The following ZNF76 variants were observed in gnomAD, a reference collection of about 807,000 sequenced individuals.
ZNF76 encodes the protein zinc finger protein 76.
ZNF76 carries 66 observed loss-of-function variants against 66.9 expected under a neutral mutation model. The ratio of observed to expected loss-of-function variants is 0.99; its 90% confidence interval spans 0.81 to 1.21. The LOEUF (loss-of-function observed/expected upper bound fraction) is 1.21. ZNF76 is among the 50% of genes most tolerant of loss of function. The pLI, the probability that ZNF76 is intolerant of heterozygous loss-of-function variation, is 0.00. For synonymous variants in ZNF76, 275 were observed against 296.1 expected (o/e 0.93, Z 0.73); for missense variants, 729 against 760.3 (o/e 0.96, Z 0.48).
Position 35,295,161 on chromosome 6 carries a change from C to G in ZNF76, c.1626C>G (p.Thr542=). The change falls in exon 14 of 14, where the codon ACC becomes ACG. Residue 542 remains threonine, a synonymous_variant. Transcript: ENST00000373953. The part of the protein sequence containing the change: ...HIAVQLEEQQ[T]LEEAINVATA... ...CCCCACAGCTGGAGGAACAGCAGAC[C>G]TTAGAGGAGGCCATCAATGTGGCCA... 1.2e-6 allele frequency: 2 copies of G among 1,612,458 alleles called. No individual in the cohort carries two copies. Among genetic ancestry groups the G allele is most frequent in the Non-Finnish European group, 1.7e-6 (2 of 1,179,310 alleles).
chr6:35,292,165 G>A lies in ZNF76; in HGVS notation c.932-389G>A. 2.5e-6 allele frequency: 1 copy of A among 401,940 alleles called. No individual in the cohort carries two copies. Among genetic ancestry groups the A allele is most frequent in the South Asian group, 2.6e-5 (1 of 39,212 alleles). The allele number at this position is 401,940 out of a possible 1,614,324, so 24.9% of individuals were successfully genotyped here. On this transcript the variant is annotated intron_variant, in intron 9 of 13. Coordinates refer to ENST00000373953, the MANE Select transcript of ZNF76 (RefSeq NM_003427.5). The surrounding 1 kb of genome is among the most constrained non-coding windows in gnomAD (Gnocchi z 4.7). The stretch of plus-strand genomic sequence containing the variant: ...TTATGCCCCTCATCCAGCTTTCTGT[G>A]TTGTGTCTCAGCATGTGTGTCCCCT...
In ZNF76 at chr6:35,294,555, C is replaced by T. The variant is rs747037556; in HGVS notation, c.1594C>T (p.His532Tyr). 1.2e-6 allele frequency: 2 copies of T among 1,612,828 alleles called. No individual in the cohort carries two copies. Among genetic ancestry groups the T allele is most frequent in the African/African-American group, 2.7e-5 (2 of 74,884 alleles). The stretch of plus-strand genomic sequence containing the variant: ...ACTGTTGGCCACAGCCAACGGAACG[C>T]ACATTGCAGTGCAGGTGAGTAGAGA... ...VALLATANGT[H>Y]IAVQLEEQQT... is the part of the protein sequence containing the mutation. Residue 532 changes from histidine (H) to tyrosine (Y), a missense_variant, in exon 13 of 14, where the codon CAC becomes TAC. Physicochemically the swap from His to Tyr is moderately conservative, Grantham distance 83. Transcript: ENST00000373953.
intron 9 of ZNF76, 32 bp downstream of exon 9, chr6:35,291,769 A>G: frequency 2.5e-6 from 4 of 1,599,912 alleles, no homozygotes; most frequent in Non-Finnish European, 3.4e-6. Context: ...GACTACCCTC[A>G]CTCAGGCCCC....
intron 1 of ZNF76, among the ~76,000 whole-genome samples, chr6:35,273,743 TG>T (rs1172080960): frequency 7.8e-6 from 1 of 128,672 alleles, no homozygotes; most frequent in Non-Finnish European, 1.7e-5. Flanking sequence ...AAAAAAGAAA[TG>T]GGGGTCTCAC....
At chr6:35,286,680 T>C (rs1200036947) in intron 4 of ZNF76, 2 of 528,242 alleles carry the variant, frequency 3.8e-6, no homozygotes, top group East Asian at 6.2e-5. Context: ...GTCTTAGGGC[T>C]TTAAATAGGA....
intron 1 of ZNF76, 84 bp from the exon 2 acceptor site, chr6:35,280,972 T>C: frequency 1.6e-6 from 1 of 640,810 alleles, no homozygotes; most frequent in Non-Finnish European, 2.8e-6. Context: ...CTTGGCTGGC[T>C]GGCCTCATTA....
rs752330096 is a variant in ZNF76 at position 35,294,499 on chromosome 6, GT to G, written c.1539del (p.Ser513ArgfsTer2). 6.2e-7 allele frequency: 1 copy of G among 1,614,114 alleles called. No individual in the cohort carries two copies. The highest frequency in any genetic ancestry group is 8.5e-7 in the Non-Finnish European group (1 of 1,180,014). ...GGGGCTGTGGTGGCTGAGGACTCAA[GT>G]GTAGCATCTCTTCGTCATCAACAGG... The part of the protein sequence containing the change: ...TSGAVVAEDS[S>X]VASLRHQQVA... On this transcript the variant is annotated frameshift_variant, in exon 13 of 14. Transcript: ENST00000373953. LOFTEE classifies it high-confidence loss of function.
intron 1 of ZNF76, among the ~76,000 whole-genome samples, chr6:35,276,817 CAAG>C (rs1787972179): frequency 9.7e-6 from 1 of 103,438 alleles, no homozygotes; most frequent in Non-Finnish European, 1.8e-5. Flanking sequence ...TTTTTTGAGA[CAAG>C]AGTTTTGCTG....
chr6:35,275,258 C>T (rs931096176), intron 1 of ZNF76, among the ~76,000 whole-genome samples: 4 of 152,076 alleles, frequency 2.6e-5, no homozygotes, highest in Admixed American at 6.5e-5. Context: ...TCTCACCTTC[C>T]GCTCTCCCAG....
intron 1 of ZNF76, among the ~76,000 whole-genome samples, chr6:35,260,384 A>G (rs1175825785): frequency 1.3e-5 from 2 of 151,854 alleles, no homozygotes; most frequent in Admixed American, 1.3e-4. Context: ...CTACTCCAAT[A>G]GTTTTCCACG....
At chr6:35,288,833 G>A (rs569397841) in intron 5 of ZNF76, among the ~76,000 whole-genome samples, 2 of 151,786 alleles carry the variant, frequency 1.3e-5, no homozygotes, top group Non-Finnish European at 1.5e-5. Flanking sequence ...ATGGTGGTGC[G>A]CACCTGTGGT....
intron 1 of ZNF76, among the ~76,000 whole-genome samples, chr6:35,273,846 T>G (rs193103469): frequency 2.8e-3 from 306 of 107,616 alleles, no homozygotes; most frequent in Middle Eastern, 4.4e-3. Context: ...AAATGGCGCT[T>G]CTTCTTTTAA....
rs2077279684 is a variant in ZNF76, at chr6:35,295,978, A to G, written c.*730A>G. 6.6e-6 allele frequency: 1 copy of G among 152,134 alleles called. No homozygotes were observed. Among genetic ancestry groups the G allele is most frequent in the African/African-American group, 2.4e-5 (1 of 41,362 alleles). The allele number at this position is 152,134 out of a possible 1,614,324, so 9.4% of individuals were successfully genotyped here. A position where few individuals can be genotyped will look rare whatever the true frequency, so the allele number is the denominator to read the frequency against. ...GAATGAGTATTTAATAAAAGTTCCA[A>G]ATTTCCACCTGGGTCCCTCCATCCT... On this transcript the variant is annotated 3_prime_UTR_variant, in exon 14 of 14. Transcript: ENST00000373953.
In ZNF76 at chr6:35,287,955, C is replaced by A; in HGVS notation, c.432+110C>A. Reference sequence around the variant, plus strand: ...CACCTCTCAAGAGGACAAGGGCAGCCCTGTGCTTGGGCACCATGTGGGATA... The same window carrying A: ...CACCTCTCAAGAGGACAAGGGCAGCACTGTGCTTGGGCACCATGTGGGATA... On this transcript the variant is annotated intron_variant, in intron 5 of 13. Transcript: ENST00000373953. This position sits in a 1 kb window ranked among gnomAD's most constrained non-coding sequence, Gnocchi z 4.0. 7.8e-7 allele frequency: 1 copy of A among 1,280,452 alleles called. No homozygotes were observed. Among genetic ancestry groups the A allele is most frequent in the Non-Finnish European group, 1.1e-6 (1 of 911,828 alleles). 79.3% of individuals were successfully genotyped at this position (1,280,452 alleles called of 1,614,324 possible).
chr6:35,273,758 G>A (rs549511250), intron 1 of ZNF76, among the ~76,000 whole-genome samples: 1 of 147,884 alleles, frequency 6.8e-6, no homozygotes, highest in Non-Finnish European at 1.5e-5. Flanking sequence ...GTCTCACTAT[G>A]TTGCCCAGGC....
chr6:35,293,685 T>C (rs1418727992), intron 11 of ZNF76, 66 bp from the exon 12 acceptor site: 9 of 1,562,166 alleles, frequency 5.8e-6, no homozygotes, highest in African/African-American at 1.4e-5. Flanking sequence ...CAGGTATATC[T>C]TCCTTAGGGA....
chr6:35,267,764 T>G (rs1420036314), intron 1 of ZNF76, among the ~76,000 whole-genome samples: 2 of 152,190 alleles, frequency 1.3e-5, no homozygotes, highest in Non-Finnish European at 2.9e-5. Context: ...GTTCCTGATC[T>G]GGGTCTCCGT....
rs1789758561 is a variant in ZNF76, at chr6:35,287,619, T to C, written c.233-27T>C. The C allele has an allele frequency of 3.2e-6, 5 of 1,574,792 alleles. No homozygotes were observed. In the South Asian group the frequency reaches 5.9e-5, roughly 19 times the overall value. ...CTGTATCTCTTCCCCTTGTGTGGCA[T>C]CAGGGCTAACCGCGTGTTCCCTGCA... On this transcript the variant is annotated intron_variant, in intron 4 of 13. Coordinates refer to ENST00000373953, the MANE Select transcript of ZNF76 (RefSeq NM_003427.5). The surrounding 1 kb of genome is among the most constrained non-coding windows in gnomAD (Gnocchi z 4.0).
chr6:35,266,886 T>C (rs573734784), intron 1 of ZNF76, among the ~76,000 whole-genome samples: 128 of 142,392 alleles, frequency 9.0e-4, no homozygotes, highest in Middle Eastern at 7.4e-3. Flanking sequence ...CTGCAAGCTC[T>C]GCCTCCCGGG....
Sources: allele counts gnomAD v4.1 joint callset (sites outside exome capture counted in the v4.1 genomes callset), GRCh38; gene constraint gnomAD v4.1.1; non-coding constraint Gnocchi (gnomAD v3.1); transcripts MANE v1.5; gene names NCBI Gene and HGNC (gene_info 2026-07-23, HGNC 2026-07-21).